FAM110B: variants seen among roughly 807,000 people sequenced by gnomAD.
FAM110B encodes protein FAM110B.
A neutral mutation model predicts 20.4 loss-of-function variants in FAM110B; 6 were observed. The ratio of observed to expected loss-of-function variants is 0.29; its 90% CI spans 0.16 to 0.58. The LOEUF is 0.58. FAM110B is among the 20% of genes least tolerant of loss of function. The pLI is 0.90. For missense variants in FAM110B, 434 were observed against 498.2 expected (o/e 0.87, Z 1.23); for synonymous variants, 226 against 214.1 (o/e 1.06, Z -0.49).
intron 3 of FAM110B, chr8:58,077,045 A>G (rs1806051610): frequency 6.6e-6 from 1 of 152,232 alleles, no homozygotes; most frequent in Non-Finnish European, 1.5e-5. Flanking sequence ...CAGGAATTAA[A>G]GAGAAAGCCA....
chr8:58,115,059 A>G (rs540738994), intron 3 of FAM110B, among the ~76,000 whole-genome samples: 1 of 151,814 alleles, frequency 6.6e-6, no homozygotes, highest in Non-Finnish European at 1.5e-5. Flanking sequence ...TTCTAGGCAA[A>G]TCGACTTTCC....
intron 3 of FAM110B, among the ~76,000 whole-genome samples, chr8:58,092,105 C>G (rs1432008528): frequency 6.6e-6 from 1 of 151,416 alleles, no homozygotes; most frequent in African/African-American, 2.5e-5. Context: ...ATTGAGCCTT[C>G]CTTTTTCATA....
intron 3 of FAM110B, among the ~76,000 whole-genome samples, chr8:58,110,860 A>G (rs1393473340): frequency 1.3e-5 from 2 of 152,192 alleles, no homozygotes; most frequent in Non-Finnish European, 2.9e-5. Flanking sequence ...ATTATTGGTT[A>G]TTACTTCTTA....
intron 3 of FAM110B, among the ~76,000 whole-genome samples, chr8:58,095,328 G>A (rs1375285830): frequency 6.6e-6 from 1 of 152,162 alleles, no homozygotes; most frequent in Non-Finnish European, 1.5e-5. Flanking sequence ...TAATTGTGAT[G>A]TTAGGGTGTC....
intron 1 of FAM110B, among the ~76,000 whole-genome samples, chr8:58,003,251 A>G (rs1034670772): frequency 3.3e-5 from 5 of 152,152 alleles, no homozygotes; most frequent in Admixed American, 1.3e-4. Context: ...CTCCGCTTGT[A>G]ACTCTAGTTC....
At chr8:58,011,894 G>A (rs1804543942) in intron 1 of FAM110B, among the ~76,000 whole-genome samples, 1 of 152,192 alleles carries the variant, frequency 6.6e-6, no homozygotes, top group South Asian at 2.1e-4. Context: ...AAGGAGTTAT[G>A]TTAGACCCCC....
chr8:58,006,014 T>A (rs1258692132), intron 1 of FAM110B, among the ~76,000 whole-genome samples: 1 of 152,144 alleles, frequency 6.6e-6, no homozygotes, highest in African/African-American at 2.4e-5. Context: ...ACAGCTGGCT[T>A]TTCCTCCATT....
intron 2 of FAM110B, among the ~76,000 whole-genome samples, chr8:58,063,153 C>T (rs1019853549): frequency 3.9e-5 from 6 of 152,076 alleles, no homozygotes; most frequent in South Asian, 2.1e-4. Flanking sequence ...GACCAGAGCA[C>T]GGGGCATAAG....
chr8:58,058,971 C>G (rs1805602530), intron 2 of FAM110B, among the ~76,000 whole-genome samples: 1 of 152,118 alleles, frequency 6.6e-6, no homozygotes, highest in South Asian at 2.1e-4. Context: ...CTCTTTCTAC[C>G]TCCAGAAGAA....
chr8:58,105,556 ATTTTTTTTTT>A lies in FAM110B; in HGVS notation c.-325+29954_-325+29963del, dbSNP rs71557704. On this transcript the variant is annotated intron_variant, in intron 3 of 3. Coordinates refer to ENST00000519262, the MANE Select transcript of FAM110B (RefSeq NM_001377989.1). ...TGAAAATGAATGAATGAATGAATGA[ATTTTTTTTTT>A]TTTTTTTTTTTTTTTTTTTTGTGAC... is the stretch of plus-strand genomic sequence containing the variant. Among the ~76,000 whole-genome samples, 3 of 94,600 alleles carry A rather than the reference ATTTTTTTTTT, an allele frequency of 3.2e-5. No individual in the cohort carries two copies. In the South Asian group the frequency reaches 1.1e-3, roughly 36 times the overall value. The allele number at this position is 94,600 out of a possible 152,430, so 62.1% of individuals were successfully genotyped here.
intron 1 of FAM110B, among the ~76,000 whole-genome samples, chr8:58,016,336 G>A (rs1157260276): frequency 6.6e-6 from 1 of 152,152 alleles, no homozygotes; most frequent in Non-Finnish European, 1.5e-5. Flanking sequence ...GTGGGGATTC[G>A]GAGTTTCTTA....
chr8:58,111,211 C>T (rs953354755), intron 3 of FAM110B, among the ~76,000 whole-genome samples: 4 of 152,310 alleles, frequency 2.6e-5, no homozygotes, highest in Middle Eastern at 6.8e-3. Flanking sequence ...TTTGTACCAG[C>T]CCCCATGCTC....
In FAM110B at chr8:58,086,130, A is replaced by G. The variant is rs111658855; in HGVS notation, c.-325+10507A>G. ...TCACCTATGTACAGTGGTCATGTTC[A>G]TAACCGAATCTGCAGCTCTTCTAAG... On this transcript the variant is annotated intron_variant, in intron 3 of 3. Transcript: ENST00000519262. 2.8e-3 allele frequency among the ~76,000 whole-genome samples: 431 copies of G among 152,358 alleles called. 1 individual carries two copies. Among genetic ancestry groups the G allele is most frequent in the African/African-American group, 9.9e-3 (410 of 41,588 alleles).
At chr8:57,995,005 C>A (rs1227596808) in intron 1 of FAM110B, among the ~76,000 whole-genome samples, 199 bp downstream of exon 1, 2 of 152,094 alleles carry the variant, frequency 1.3e-5, no homozygotes, top group African/African-American at 2.4e-5. Flanking sequence ...CTGGCCCAGG[C>A]GGACCCCGTC....
At chr8:58,039,886 A>G (rs1374502848) in intron 2 of FAM110B, among the ~76,000 whole-genome samples, 1 of 152,208 alleles carries the variant, frequency 6.6e-6, no homozygotes, top group Non-Finnish European at 1.5e-5. Context: ...CTTCCCAAGT[A>G]GCTGGGACTA....
chr8:58,083,577 C>G (rs570985926), intron 3 of FAM110B, among the ~76,000 whole-genome samples: 5 of 152,186 alleles, frequency 3.3e-5, no homozygotes, highest in African/African-American at 1.2e-4. Context: ...ATTGTCTCCA[C>G]GTTCACTACT....
intron 2 of FAM110B, among the ~76,000 whole-genome samples, chr8:58,046,383 G>A (rs1301187383): frequency 6.6e-6 from 1 of 152,158 alleles, no homozygotes; most frequent in Non-Finnish European, 1.5e-5. Context: ...TCATTCTGAA[G>A]AGTGCCCATT....
At chr8:58,086,275 A>C (rs964346119) in intron 3 of FAM110B, among the ~76,000 whole-genome samples, 2 of 152,214 alleles carry the variant, frequency 1.3e-5, no homozygotes, top group Non-Finnish European at 2.9e-5. Context: ...AAGTATAATA[A>C]AGAAAAAATT....
intron 3 of FAM110B, among the ~76,000 whole-genome samples, chr8:58,130,197 A>G (rs11986581): frequency 0.14 from 21,025 of 152,238 alleles, 3,906 homozygotes; most frequent in African/African-American, 0.43. Context: ...TCTAGTTTTG[A>G]ACAGTTTGAA....
Sources: gnomAD v4.1 joint callset for allele counts (sites outside exome capture counted in the v4.1 genomes callset) on GRCh38, gnomAD v4.1.1 for gene constraint, MANE v1.5 for transcripts, NCBI Gene and HGNC (gene_info 2026-07-23, HGNC 2026-07-21) for gene names.